The following TRIM24 variants were observed in gnomAD, a reference collection of about 807,000 sequenced individuals.
TRIM24 encodes the protein transcription intermediary factor 1-alpha.
In TRIM24, 29 loss-of-function variants were observed where a neutral mutation model predicts 123.9. The observed-to-expected ratio is 0.23, with a 90% CI of 0.17 to 0.32. The LOEUF is 0.32. Among genes scored for constraint, TRIM24 ranks in the 10% least tolerant of loss-of-function variants. The pLI is 1.00. For synonymous variants in TRIM24, 456 were observed against 461.1 expected (o/e 0.99, Z 0.14); for missense variants, 932 against 1,295.3 (o/e 0.72, Z 4.31).
intron 4 of TRIM24, among the ~76,000 whole-genome samples, chr7:138,522,234 G>T (rs1796518899): frequency 6.6e-6 from 1 of 152,044 alleles, no homozygotes; most frequent in African/African-American, 2.4e-5. Flanking sequence ...TACTCGGGAG[G>T]CTTAGGCAGG....
chr7:138,527,238 G>A (rs1374734004), intron 5 of TRIM24, among the ~76,000 whole-genome samples: 4 of 152,034 alleles, frequency 2.6e-5, no homozygotes, highest in Admixed American at 2.0e-4. Flanking sequence ...TCTTAACATA[G>A]TGTTTTTCAA....
At chr7:138,500,493 G>T (rs1373247035) in intron 1 of TRIM24, among the ~76,000 whole-genome samples, 1 of 151,414 alleles carries the variant, frequency 6.6e-6, no homozygotes, top group African/African-American at 2.4e-5. Flanking sequence ...AGCCCGAGAG[G>T]TGGAGGCTAC....
intron 7 of TRIM24, among the ~76,000 whole-genome samples, chr7:138,544,596 T>C (rs551833581): frequency 2.6e-5 from 4 of 152,324 alleles, no homozygotes; most frequent in South Asian, 2.1e-4. Context: ...CATATCGTTA[T>C]CCGTAGTGGT....
Position 138,522,130 on chromosome 7 carries a change from G to A in TRIM24, c.764+2809G>A, listed in dbSNP as rs6968568. Among the ~76,000 whole-genome samples, 743 of 151,988 alleles carry A rather than the reference G, an allele frequency of 4.9e-3. 3 individuals are homozygous for A. The highest frequency in any genetic ancestry group is 0.017 in the African/African-American group (713 of 41,440). On this transcript the variant is annotated intron_variant, in intron 4 of 18. Coordinates refer to ENST00000343526, the MANE Select transcript of TRIM24 (RefSeq NM_015905.3). Reference sequence around the variant, plus strand: ...CTATCTCTAAAAAATAAGTAAGTAAGTAAATAAATAAATAACAAAACAAGC... The same window carrying A: ...CTATCTCTAAAAAATAAGTAAGTAAATAAATAAATAAATAACAAAACAAGC...
In TRIM24 at chr7:138,545,052, G is replaced by T. The variant is rs151018652; in HGVS notation, c.1144-6011G>T. Among the ~76,000 whole-genome samples the T allele has an allele frequency of 2.0e-5, 3 of 152,092 alleles. No homozygotes were observed. The East Asian group carries it at 5.8e-4, about 29-fold the overall frequency. On this transcript the variant is annotated intron_variant, in intron 7 of 18. Transcript: ENST00000343526. ...ATTATTAGAAATATTGTATAAAATT[G>T]CTTTCAGGCTATGTGTGTTGAGTAT...
In TRIM24 at chr7:138,585,158, A is replaced by C. The variant is rs1444536745; in HGVS notation, c.*207A>C. On this transcript the variant is annotated 3_prime_UTR_variant, in exon 19 of 19. Transcript: ENST00000343526. ...AGAAAGGAAAGAAGGAGATGAATAG[A>C]AGAAAGAAAATGGAAAGAAGGAAAA... 5.2e-6 allele frequency: 2 copies of C among 386,550 alleles called. No homozygotes were observed. Among genetic ancestry groups the C allele is most frequent in the African/African-American group, 4.2e-5 (2 of 47,972 alleles). 23.9% of individuals were successfully genotyped at this position (386,550 alleles called of 1,614,324 possible).
intron 10 of TRIM24, among the ~76,000 whole-genome samples, chr7:138,568,035 G>T (rs1467285560): frequency 6.6e-6 from 1 of 152,052 alleles, no homozygotes. Context: ...CAAAATTATG[G>T]CACAGTTTCA....
intron 1 of TRIM24, among the ~76,000 whole-genome samples, chr7:138,490,100 T>C (rs1337694678): frequency 1.3e-5 from 2 of 152,202 alleles, no homozygotes; most frequent in Non-Finnish European, 2.9e-5. Flanking sequence ...TTTCATTCAT[T>C]TGATCTTCAA....
chr7:138,553,139 T>C (rs534682808), intron 8 of TRIM24, among the ~76,000 whole-genome samples: 1 of 152,320 alleles, frequency 6.6e-6, no homozygotes, highest in East Asian at 1.9e-4. Flanking sequence ...GAAGTTAATA[T>C]ATTTTACTGT....
chr7:138,523,521 C>T lies in TRIM24; in HGVS notation c.765-1720C>T, dbSNP rs555829071. Among the ~76,000 whole-genome samples, 14 of 152,162 alleles carry T rather than the reference C, an allele frequency of 9.2e-5. No individual in the cohort carries two copies. The South Asian group carries it at 2.3e-3, about 25-fold the overall frequency. On this transcript the variant is annotated intron_variant, in intron 4 of 18. Coordinates refer to ENST00000343526, the MANE Select transcript of TRIM24 (RefSeq NM_015905.3). Reference sequence around the variant, plus strand: ...CTGTAATCCCAGCACCTGGGGAGGCCGAGGCGGGCGGATCACAAGGTCAGG... The same window carrying T: ...CTGTAATCCCAGCACCTGGGGAGGCTGAGGCGGGCGGATCACAAGGTCAGG...
intron 4 of TRIM24, among the ~76,000 whole-genome samples, chr7:138,521,008 AC>A (rs1796494182): frequency 6.6e-6 from 1 of 152,212 alleles, no homozygotes; most frequent in African/African-American, 2.4e-5. Context: ...AGTTGCACAA[AC>A]CTCTAGCAGG....
chr7:138,463,043 G>GTT (rs57719141), intron 1 of TRIM24, among the ~76,000 whole-genome samples: 12,396 of 60,138 alleles, frequency 0.21, 2,642 homozygotes, highest in East Asian at 0.36. Context: ...CTAATTTTGT[G>GTT]TTTTTTTTTT....
chr7:138,569,946 CTTT>C (rs535279990), intron 10 of TRIM24, among the ~76,000 whole-genome samples: 9 of 136,032 alleles, frequency 6.6e-5, no homozygotes, highest in Admixed American at 1.5e-4. Flanking sequence ...TCAAGTCATC[CTTT>C]TTTTTTTTTT....
chr7:138,529,023 G>T, intron 5 of TRIM24, 93 bp from the exon 6 acceptor site: 1 of 631,104 alleles, frequency 1.6e-6, no homozygotes, highest in Non-Finnish European at 2.6e-6. Context: ...TCTAAGGGCT[G>T]AAAACATTTT....
intron 1 of TRIM24, among the ~76,000 whole-genome samples, chr7:138,482,943 A>G (rs926521897): frequency 6.6e-6 from 1 of 151,628 alleles, no homozygotes; most frequent in African/African-American, 2.4e-5. Flanking sequence ...TTTGAGCCAC[A>G]GTCTCCTTCT....
At chr7:138,535,512 A>G (rs1249602235) in intron 6 of TRIM24, among the ~76,000 whole-genome samples, 3 of 152,062 alleles carry the variant, frequency 2.0e-5, no homozygotes, top group South Asian at 2.1e-4. Flanking sequence ...TGGGTTGAAA[A>G]TTCTTTTCTT....
intron 1 of TRIM24, among the ~76,000 whole-genome samples, chr7:138,476,023 TG>T (rs1795389260): frequency 6.6e-6 from 1 of 152,084 alleles, no homozygotes; most frequent in South Asian, 2.1e-4. Context: ...CGTTATTGGG[TG>T]CATGGATATT....
In TRIM24 at chr7:138,578,564, G is replaced by GCGCGCA. The variant is rs1554445384; in HGVS notation, c.2257-636_2257-631dup. On this transcript the variant is annotated intron_variant, in intron 14 of 18. Coordinates refer to ENST00000343526, the MANE Select transcript of TRIM24 (RefSeq NM_015905.3). ...TGTGTGTGTGTGTGTGTGTGTGTGT[G>GCGCGCA]CGCGCACGCACGAATGGAAGCAGGA... is the stretch of plus-strand genomic sequence containing the variant. Among the ~76,000 whole-genome samples, 16 of 75,506 alleles carry GCGCGCA rather than the reference G, an allele frequency of 2.1e-4. No homozygotes were observed. The East Asian group carries it at 0.011, about 50-fold the overall frequency. The allele number at this position is 75,506 out of a possible 152,430, so 49.5% of individuals were successfully genotyped here. A position where few individuals can be genotyped will look rare whatever the true frequency, so the allele number is the denominator to read the frequency against.
intron 9 of TRIM24, among the ~76,000 whole-genome samples, chr7:138,564,494 G>C (rs1017252472): frequency 6.6e-6 from 1 of 152,184 alleles, no homozygotes; most frequent in Non-Finnish European, 1.5e-5. Context: ...CCCTTCCCAT[G>C]ACTTTTTCTT....
Sources: allele counts gnomAD v4.1 joint callset (sites outside exome capture counted in the v4.1 genomes callset), GRCh38; gene constraint gnomAD v4.1.1; transcripts MANE v1.5; gene names NCBI Gene and HGNC (gene_info 2026-07-23, HGNC 2026-07-21).